Variants in SMCHD1 observed in about 807,000 individuals in gnomAD.
The protein encoded by SMCHD1 is structural maintenance of chromosomes flexible hinge domain-containing protein 1.
Under a neutral mutation model 254.7 loss-of-function variants are expected in SMCHD1, and 78 were observed. The ratio of observed to expected loss-of-function variants is 0.31; its 90% CI spans 0.26 to 0.37. The LOEUF is 0.37. Ranked by LOEUF, SMCHD1 falls within the 10% of genes least tolerant of loss-of-function variation. The probability of loss-of-function intolerance (pLI) is 1.00; values close to 1 mark genes in which losing one functional copy is unlikely to be tolerated. For missense variants in SMCHD1, 1,840 were observed against 2,408.1 expected, an observed-to-expected ratio of 0.76 and a Z score of 4.94; for synonymous variants, 766 against 794.9, an observed-to-expected ratio of 0.96 and a Z score of 0.61.
rs115390751 is a variant in SMCHD1, at chr18:2,781,528, A to C, written c.5548-2922A>C. Among the ~76,000 whole-genome samples the C allele has an allele frequency of 4.0e-3, 616 of 152,342 alleles. 6 individuals carry two copies. The highest frequency in any genetic ancestry group is 0.014 in the African/African-American group (580 of 41,580). ...ATTGAAAATGAGAGCAAATATTTTT[A>C]AAGTGTTAATATTTGATTAATATAG... is the stretch of plus-strand genomic sequence containing the variant. On this transcript the variant is annotated intron_variant, in intron 44 of 47. Transcript: ENST00000320876.
intron 8 of SMCHD1, among the ~76,000 whole-genome samples, chr18:2,696,314 C>T (rs1429517268): frequency 2.6e-5 from 4 of 152,132 alleles, no homozygotes; most frequent in East Asian, 1.9e-4. Flanking sequence ...TTTAGGAACC[C>T]GGCCCCACAG....
At position 2,667,046 on chromosome 18, in the gene SMCHD1, C is replaced by T; in HGVS notation, c.424+15C>T. The stretch of plus-strand genomic sequence containing the variant: ...AAATCCTTTGCGTAAGTATCCCATT[C>T]ATACTAATTTTGATAAATTATTACC... On this transcript the variant is annotated intron_variant, in intron 3 of 47. Coordinates refer to ENST00000320876, the MANE Select transcript of SMCHD1 (RefSeq NM_015295.3). 2 of 1,539,682 alleles carry T rather than the reference C, an allele frequency of 1.3e-6. No individual in the cohort carries two copies. The highest frequency in any genetic ancestry group is 1.8e-6 in the Non-Finnish European group (2 of 1,135,130).
At chr18:2,675,943 G>T (rs1047045609) in intron 5 of SMCHD1, among the ~76,000 whole-genome samples, 2 of 152,146 alleles carry the variant, frequency 1.3e-5, no homozygotes, top group East Asian at 3.8e-4. Context: ...TTATGGGTTT[G>T]GTGTCAGTAA....
At chr18:2,685,566 C>G (rs1404346739) in intron 5 of SMCHD1, among the ~76,000 whole-genome samples, 1 of 152,112 alleles carries the variant, frequency 6.6e-6, no homozygotes, top group Non-Finnish European at 1.5e-5. Flanking sequence ...TTTTTTTACC[C>G]TGTACCCCCA....
chr18:2,722,718 CTT>C, intron 20 of SMCHD1, 55 bp downstream of exon 20: 2 of 1,468,752 alleles, frequency 1.4e-6, no homozygotes, highest in Non-Finnish European at 1.8e-6. Context: ...AGCATTTACT[CTT>C]TTTTTCAGCT....
rs1342997933 is a variant in SMCHD1 at position 2,698,004 on chromosome 18, T to C, written c.1305T>C (p.Asp435=). ...TCCGTTATCATCCATTCTTATATGA[T>C]AGAGAAACTTACCCTGATGATCCAT... is the stretch of plus-strand genomic sequence containing the variant. ...GIIRYHPFLY[D]RETYPDDPCF... is the part of the protein sequence containing the mutation. The change falls in exon 10 of 48, where the codon GAT becomes GAC. Residue 435 remains aspartate (D), a synonymous_variant. Transcript: ENST00000320876. 1 of 1,613,252 alleles carries C rather than the reference T, an allele frequency of 6.2e-7. No homozygotes were observed. The highest frequency in any genetic ancestry group is 1.7e-5 in the Admixed American group (1 of 59,996).
chr18:2,672,986 T>G, intron 3 of SMCHD1: 1 of 762,692 alleles, frequency 1.3e-6, no homozygotes, highest in Non-Finnish European at 1.6e-6. Flanking sequence ...GTCTTCTGTT[T>G]GTCTCTTAAT....
intron 1 of SMCHD1, among the ~76,000 whole-genome samples, chr18:2,662,700 T>G (rs1312211478): frequency 4.8e-5 from 5 of 104,000 alleles, no homozygotes; most frequent in African/African-American, 1.9e-4. Flanking sequence ...AGGGACATCA[T>G]AGAAATAAAA....
intron 34 of SMCHD1, among the ~76,000 whole-genome samples, chr18:2,756,018 T>C (rs965623148): frequency 2.0e-5 from 3 of 152,048 alleles, no homozygotes; most frequent in Non-Finnish European, 4.4e-5. Context: ...TGCTTTAGAG[T>C]TTTTCTTTTA....
At chr18:2,793,159 G>A (rs564777173) in intron 45 of SMCHD1, among the ~76,000 whole-genome samples, 12 of 152,296 alleles carry the variant, frequency 7.9e-5, no homozygotes, top group African/African-American at 2.9e-4. Context: ...AAATCCTTCA[G>A]TGGTGAGAAA....
chr18:2,782,688 T>G (rs2076174154), intron 44 of SMCHD1, among the ~76,000 whole-genome samples: 1 of 129,574 alleles, frequency 7.7e-6, no homozygotes, highest in African/African-American at 3.0e-5. Flanking sequence ...GAAGCTGTAG[T>G]GAGCCATGGT....
Position 2,671,231 on chromosome 18 carries a change from T to G in SMCHD1, c.425-2050T>G, listed in dbSNP as rs1313667. 2.6e-5 allele frequency among the ~76,000 whole-genome samples: 4 copies of G among 152,098 alleles called. No homozygotes were observed. In the South Asian group the frequency reaches 6.2e-4, roughly 24 times the overall value. ...GATTACAGGCGTGAGCCACTGCACC[T>G]GGCCCATGAATCTTTAATTATTTTC... On this transcript the variant is annotated intron_variant, in intron 3 of 47. Transcript: ENST00000320876.
intron 5 of SMCHD1, among the ~76,000 whole-genome samples, chr18:2,681,412 CAAA>C (rs11448086): frequency 1.9e-5 from 2 of 104,008 alleles, no homozygotes; most frequent in Admixed American, 1.2e-4. Flanking sequence ...GACCCCATCT[CAAA>C]AAAAAAAAAA....
chr18:2,729,510 A>G, intron 24 of SMCHD1, 101 bp downstream of exon 24: 11 of 838,422 alleles, frequency 1.3e-5, no homozygotes, highest in Non-Finnish European at 1.7e-5. Context: ...ACTTCTGAAA[A>G]TGAGGTATTT....
chr18:2,702,308 A>AG (rs1555633869), intron 12 of SMCHD1: 3 of 119,786 alleles, frequency 2.5e-5, no homozygotes, highest in Non-Finnish European at 5.3e-5. Flanking sequence ...AAAAAAAAAA[A>AG]GAAGGAAATG....
chr18:2,688,521 A>G lies in SMCHD1; in HGVS notation c.753+13A>G, dbSNP rs1372948128. The stretch of plus-strand genomic sequence containing the variant: ...ACAATCAGCCAGAGTAAGTAAAAAG[A>G]TTTCTTATAAATGAAAGTTGATCAA... On this transcript the variant is annotated intron_variant, in intron 6 of 47. Transcript: ENST00000320876. 6.2e-7 allele frequency: 1 copy of G among 1,605,892 alleles called. No homozygotes were observed. The highest frequency in any genetic ancestry group is 1.1e-5 in the South Asian group (1 of 90,824).
intron 37 of SMCHD1, among the ~76,000 whole-genome samples, chr18:2,767,439 AGTCAT>A (rs2075887802): frequency 6.6e-6 from 1 of 152,190 alleles, no homozygotes; most frequent in African/African-American, 2.4e-5. Flanking sequence ...TGCTGTATGC[AGTCAT>A]GTCATCACTT....
rs1568225274 is a variant in SMCHD1 at position 2,718,568 on chromosome 18, T to A, written c.2458+134T>A. On this transcript the variant is annotated intron_variant, in intron 19 of 47. Transcript: ENST00000320876. This position sits in a 1 kb window ranked among gnomAD's most constrained non-coding sequence, Gnocchi z 4.6. ...CTCGATTTTATTTTATTTTCTTACTTACTTTGAGATGGGGTCTCATTCTGT... is the reference window on the plus strand; with the variant it reads ...CTCGATTTTATTTTATTTTCTTACTAACTTTGAGATGGGGTCTCATTCTGT... 1 of 760,810 alleles carries A rather than the reference T, an allele frequency of 1.3e-6. No homozygotes were observed. The highest frequency in any genetic ancestry group is 1.8e-5 in the African/African-American group (1 of 55,702). 47.1% of individuals were successfully genotyped at this position (760,810 alleles called of 1,614,324 possible). A position where few individuals can be genotyped will look rare whatever the true frequency, so the allele number is the denominator to read the frequency against.
At chr18:2,663,866 C>T (rs1221717353) in intron 1 of SMCHD1, among the ~76,000 whole-genome samples, 1 of 152,122 alleles carries the variant, frequency 6.6e-6, no homozygotes, top group African/African-American at 2.4e-5. Context: ...AGGCGCCTGC[C>T]ACCACGCCTG....
Sources: gnomAD v4.1 joint callset for allele counts (sites outside exome capture counted in the v4.1 genomes callset) on GRCh38, gnomAD v4.1.1 for gene constraint, Gnocchi (gnomAD v3.1) non-coding constraint, MANE v1.5 for transcripts, NCBI Gene and HGNC (gene_info 2026-07-23, HGNC 2026-07-21) for gene names.